Variants in RUNX1 observed in about 807,000 individuals in gnomAD.
The protein encoded by RUNX1 is RUNX family transcription factor 1.
In RUNX1, 19 loss-of-function variants were observed where a neutral mutation model predicts 42.8. The observed-to-expected ratio is 0.44, with a 90% CI of 0.31 to 0.65. The LOEUF (loss-of-function observed/expected upper bound fraction) is 0.65. Ranked by LOEUF, RUNX1 falls within the 30% of genes least tolerant of loss-of-function variation. The probability of loss-of-function intolerance (pLI) is 0.07; values close to 1 mark genes in which losing one functional copy is unlikely to be tolerated. For missense variants in RUNX1, 528 were observed against 672.0 expected (o/e 0.79, Z 2.37); for synonymous variants, 271 against 289.4 (o/e 0.94, Z 0.64).
intron 6 of RUNX1, among the ~76,000 whole-genome samples, chr21:34,848,763 A>G (rs563337798): frequency 4.6e-5 from 7 of 152,284 alleles, no homozygotes; most frequent in African/African-American, 1.7e-4. Flanking sequence ...ACACTGGGCT[A>G]TGCCTGGCGA....
chr21:34,942,500 A>C (rs2058535024), intron 2 of RUNX1, among the ~76,000 whole-genome samples: 1 of 152,198 alleles, frequency 6.6e-6, no homozygotes, highest in Non-Finnish European at 1.5e-5. Context: ...GCTCAGGTAC[A>C]AGTGTCCATT....
chr21:34,827,798 C>T lies in RUNX1; in HGVS notation c.805+6612G>A, dbSNP rs528743854. Among the ~76,000 whole-genome samples, 8 of 152,304 alleles carry T rather than the reference C, an allele frequency of 5.3e-5. No individual in the cohort carries two copies. In the South Asian group the frequency reaches 1.0e-3, roughly 20 times the overall value. On this transcript the variant is annotated intron_variant, in intron 7 of 8. Transcript: ENST00000675419. ...GATGGTCTCTATGTGGTGCTAATTCCGTAGGCATGCAGAATACATGCTGTG... is the reference window on the plus strand; with the variant it reads ...GATGGTCTCTATGTGGTGCTAATTCTGTAGGCATGCAGAATACATGCTGTG...
At chr21:34,969,656 C>G (rs2058746736) in intron 2 of RUNX1, among the ~76,000 whole-genome samples, 1 of 151,304 alleles carries the variant, frequency 6.6e-6, no homozygotes, top group African/African-American at 2.4e-5. Context: ...ACCCATGCCT[C>G]TTAGCTGGGT....
At chr21:34,856,208 T>C in intron 6 of RUNX1, 1 of 402,928 alleles carries the variant, frequency 2.5e-6, no homozygotes, top group Admixed American at 2.8e-5. Flanking sequence ...TTCTCAGTCC[T>C]TAACTTAGTC....
chr21:34,845,910 G>C (rs1012107620), intron 6 of RUNX1, among the ~76,000 whole-genome samples: 8 of 152,170 alleles, frequency 5.3e-5, no homozygotes, highest in Non-Finnish European at 2.9e-5. Context: ...GAGTCAAACA[G>C]TATTAACTTT....
At chr21:34,910,496 G>T (rs1011210972) in intron 2 of RUNX1, among the ~76,000 whole-genome samples, 2 of 152,066 alleles carry the variant, frequency 1.3e-5, no homozygotes, top group Admixed American at 6.5e-5. Context: ...AGAGGCAAAA[G>T]CCACTGTCGG....
chr21:34,992,203 G>A lies in RUNX1; in HGVS notation c.58+56639C>T, dbSNP rs544886870. 3.8e-4 allele frequency among the ~76,000 whole-genome samples: 58 copies of A among 152,348 alleles called. 1 individual carries two copies. The highest frequency in any genetic ancestry group is 6.3e-4 in the Non-Finnish European group (43 of 68,024). On this transcript the variant is annotated intron_variant, in intron 2 of 8. Coordinates refer to ENST00000675419, the MANE Select transcript of RUNX1 (RefSeq NM_001754.5). ...CATTTCTGCCCCTTCCCAGGACAGG[G>A]TACAGAGCCAGCAGGCCTGCTTCCC... is the stretch of plus-strand genomic sequence containing the variant.
At chr21:34,952,375 TATA>T (rs1400624437) in intron 2 of RUNX1, among the ~76,000 whole-genome samples, 2 of 151,840 alleles carry the variant, frequency 1.3e-5, no homozygotes, top group African/African-American at 2.4e-5. Context: ...GAACTTAAAA[TATA>T]ATAATAATAA....
intron 2 of RUNX1, among the ~76,000 whole-genome samples, chr21:35,021,329 A>G (rs557757487): frequency 6.6e-6 from 1 of 152,364 alleles, no homozygotes; most frequent in African/African-American, 2.4e-5. Flanking sequence ...ATAGCGAGCG[A>G]GCACTGTCTA....
intron 2 of RUNX1, among the ~76,000 whole-genome samples, chr21:34,990,436 A>T (rs2242880): frequency 0.25 from 37,589 of 152,002 alleles, 6,834 homozygotes; most frequent in African/African-American, 0.51. Context: ...CTAAAAAGAA[A>T]CAGTGATGGA....
intron 2 of RUNX1, among the ~76,000 whole-genome samples, chr21:35,011,057 C>A (rs2059123112): frequency 6.6e-6 from 1 of 152,150 alleles, no homozygotes; most frequent in Admixed American, 6.5e-5. Context: ...AGAATGATAT[C>A]TTTTGTTTCC....
intron 5 of RUNX1, among the ~76,000 whole-genome samples, chr21:34,873,579 A>G (rs1337253909): frequency 6.6e-6 from 1 of 152,242 alleles, no homozygotes; most frequent in Non-Finnish European, 1.5e-5. Flanking sequence ...TTTTCAGTCT[A>G]GCAGCAGAAT....
chr21:34,917,806 G>A (rs1250917114), intron 2 of RUNX1, among the ~76,000 whole-genome samples: 4 of 152,072 alleles, frequency 2.6e-5, no homozygotes. Context: ...GACCCTAAAC[G>A]CATAAACAGA....
intron 2 of RUNX1, among the ~76,000 whole-genome samples, chr21:34,906,726 C>A (rs1601555499): frequency 1.3e-5 from 2 of 152,292 alleles, no homozygotes; most frequent in Admixed American, 1.3e-4. Context: ...CCAAAGGACT[C>A]CTTTTGCTTC....
chr21:34,818,001 T>C (rs760265789), intron 7 of RUNX1, among the ~76,000 whole-genome samples: 8 of 152,180 alleles, frequency 5.3e-5, no homozygotes, highest in Non-Finnish European at 1.2e-4. Context: ...ACAGAACAGT[T>C]TGCGGTTTCA....
In RUNX1 at chr21:34,791,827, A is replaced by C; in HGVS notation, c.*308T>G. The C allele has an allele frequency of 4.3e-6, 1 of 234,304 alleles. No homozygotes were observed. Among genetic ancestry groups the C allele is most frequent in the South Asian group, 1.7e-4 (1 of 5,822 alleles). 14.5% of individuals were successfully genotyped at this position (234,304 alleles called of 1,614,324 possible). A position where few individuals can be genotyped will look rare whatever the true frequency, so the allele number is the denominator to read the frequency against. On this transcript the variant is annotated 3_prime_UTR_variant, in exon 9 of 9. Transcript: ENST00000675419. Reference sequence around the variant, plus strand: ...AAGCATTCACAGTTTCCCTCCGGGAATCTTCCTGTTTGCTTTCCAGCGCGT... The same window carrying C: ...AAGCATTCACAGTTTCCCTCCGGGACTCTTCCTGTTTGCTTTCCAGCGCGT...
At chr21:34,882,778 TG>T (rs1275987315) in intron 4 of RUNX1, among the ~76,000 whole-genome samples, 1 of 152,108 alleles carries the variant, frequency 6.6e-6, no homozygotes, top group African/African-American at 2.4e-5. Context: ...CTTTTTTTCA[TG>T]ATTTTCACTT....
At chr21:34,921,739 C>T (rs1366478786) in intron 2 of RUNX1, among the ~76,000 whole-genome samples, 2 of 152,164 alleles carry the variant, frequency 1.3e-5, no homozygotes, top group African/African-American at 4.8e-5. Context: ...TCAAGCCATT[C>T]TCCTACCTCA....
chr21:34,821,834 G>C, intron 7 of RUNX1: 1 of 708,886 alleles, frequency 1.4e-6, no homozygotes, highest in Non-Finnish European at 2.2e-6. Flanking sequence ...TCTGGAATAG[G>C]AATAACAAGA....
Sources: gnomAD v4.1 joint callset for allele counts (sites outside exome capture counted in the v4.1 genomes callset) on GRCh38, gnomAD v4.1.1 for gene constraint, MANE v1.5 for transcripts, NCBI Gene and HGNC (gene_info 2026-07-23, HGNC 2026-07-21) for gene names.